Variants in NAA35 observed in about 807,000 individuals in gnomAD.
NAA35 encodes the protein MAK10 homolog, amino-acid N-acetyltransferase subunit.
NAA35 carries 18 observed loss-of-function variants against 101.7 expected under a neutral mutation model. That is an observed-to-expected ratio of 0.18 (90% CI 0.12 to 0.26). The LOEUF is 0.26. Ranked by LOEUF, NAA35 falls within the 10% of genes least tolerant of loss-of-function variation. The pLI, the probability that NAA35 is intolerant of heterozygous loss-of-function variation, is 1.00. For synonymous variants in NAA35, 267 were observed against 273.1 expected (o/e 0.98, Z 0.22); for missense variants, 601 against 886.8 (o/e 0.68, Z 4.09).
intron 3 of NAA35, among the ~76,000 whole-genome samples, chr9:85,958,237 G>A (rs746123788): frequency 1.3e-5 from 2 of 152,026 alleles, no homozygotes; most frequent in African/African-American, 4.8e-5. Context: ...CACCACACCC[G>A]GCAGAAATCT....
chr9:85,988,866 G>A (rs1234640029), intron 11 of NAA35, among the ~76,000 whole-genome samples: 2 of 151,962 alleles, frequency 1.3e-5, no homozygotes, highest in Admixed American at 6.6e-5. Flanking sequence ...GAGCAAAGGA[G>A]ATGTGAAGTA....
chr9:85,984,258 G>A (rs1161775301), intron 11 of NAA35, among the ~76,000 whole-genome samples: 1 of 152,178 alleles, frequency 6.6e-6, no homozygotes, highest in Admixed American at 6.5e-5. Context: ...GAGCCCAGGA[G>A]GTTGAGGCTA....
At chr9:85,993,334 G>A (rs965164282) in intron 11 of NAA35, among the ~76,000 whole-genome samples, 1 of 152,116 alleles carries the variant, frequency 6.6e-6, no homozygotes, top group African/African-American at 2.4e-5. Flanking sequence ...CACCACACCT[G>A]GCTAATTTTT....
chr9:85,958,006 A>G (rs181427752), intron 3 of NAA35, among the ~76,000 whole-genome samples: 189 of 151,772 alleles, frequency 1.2e-3, no homozygotes, highest in African/African-American at 3.9e-3. Flanking sequence ...CAACAGTGCA[A>G]TCTCAGCTCA....
intron 12 of NAA35, among the ~76,000 whole-genome samples, chr9:85,999,520 T>C (rs924096118): frequency 2.0e-5 from 3 of 152,254 alleles, no homozygotes; most frequent in African/African-American, 7.2e-5. Context: ...GCTCCTGATA[T>C]TGAAGGCTAA....
At chr9:85,989,278 CT>C (rs200843691) in intron 11 of NAA35, among the ~76,000 whole-genome samples, 2,133 of 152,044 alleles carry the variant, frequency 0.014, 48 homozygotes, top group African/African-American at 0.047. Context: ...TGAGACCAGC[CT>C]GACCAACATG....
intron 12 of NAA35, among the ~76,000 whole-genome samples, chr9:85,999,859 A>G (rs913972136): frequency 2.0e-5 from 3 of 152,250 alleles, no homozygotes; most frequent in Non-Finnish European, 2.9e-5. Context: ...AGAACTGTGA[A>G]GATGATAAAT....
chr9:85,963,737 A>G (rs1259189448), intron 6 of NAA35, among the ~76,000 whole-genome samples: 5 of 152,174 alleles, frequency 3.3e-5, no homozygotes, highest in Admixed American at 1.3e-4. Context: ...AAATACTAGT[A>G]TTTTCAAAGT....
At position 85,976,857 on chromosome 9, in the gene NAA35, A is replaced by G. The variant is rs549511523; in HGVS notation, c.678+122A>G. 55 of 643,264 alleles carry G rather than the reference A, an allele frequency of 8.6e-5. No homozygotes were observed. In the South Asian group the frequency reaches 1.1e-3, roughly 13 times the overall value. The allele number at this position is 643,264 out of a possible 1,614,324, so 39.8% of individuals were successfully genotyped here. ...TAAGGTATTTCTTTAAAAATTGGAC[A>G]TTGCAAGGGATTTTATTTCCCTTGT... On this transcript the variant is annotated intron_variant, in intron 9 of 22. Coordinates refer to ENST00000361671, the MANE Select transcript of NAA35 (RefSeq NM_024635.4).
intron 11 of NAA35, among the ~76,000 whole-genome samples, chr9:85,988,207 A>T (rs1382531557): frequency 6.6e-6 from 1 of 152,230 alleles, no homozygotes; most frequent in Non-Finnish European, 1.5e-5. Flanking sequence ...TCCTTCAGTG[A>T]TATCATAATC....
intron 3 of NAA35, 29 bp from the exon 4 acceptor site, chr9:85,958,443 A>G (rs1487381130): frequency 6.8e-6 from 10 of 1,462,454 alleles, no homozygotes; most frequent in South Asian, 2.4e-5. Flanking sequence ...CTCAAAAACA[A>G]TTTGTTGGCT....
Position 86,022,043 on chromosome 9 carries a change from C to T in NAA35, c.*83C>T. ...GAGGGCACATCACCAGGCTCCACAT[C>T]ACGGGAAGTGAGATGGATTTCTTGG... On this transcript the variant is annotated 3_prime_UTR_variant, in exon 23 of 23. Coordinates refer to ENST00000361671, the MANE Select transcript of NAA35 (RefSeq NM_024635.4). 1 of 1,028,486 alleles carries T rather than the reference C, an allele frequency of 9.7e-7. No individual in the cohort carries two copies. The highest frequency in any genetic ancestry group is 1.5e-6 in the Non-Finnish European group (1 of 679,846). 63.7% of individuals were successfully genotyped at this position (1,028,486 alleles called of 1,614,324 possible). A position where few individuals can be genotyped will look rare whatever the true frequency, so the allele number is the denominator to read the frequency against.
At chr9:86,015,903 T>C in intron 17 of NAA35, 1 of 301,650 alleles carries the variant, frequency 3.3e-6, no homozygotes, top group South Asian at 1.3e-4. Flanking sequence ...CAAAATTCAG[T>C]TATATGGTAT....
intron 4 of NAA35, among the ~76,000 whole-genome samples, chr9:85,959,320 G>T (rs2117861216): frequency 6.7e-6 from 1 of 150,112 alleles, no homozygotes; most frequent in African/African-American, 2.5e-5. Context: ...AGCTTGCATT[G>T]AGCCGAGATC....
intron 11 of NAA35, among the ~76,000 whole-genome samples, chr9:85,979,422 G>T (rs1295322410): frequency 6.6e-6 from 1 of 152,210 alleles, no homozygotes; most frequent in Non-Finnish European, 1.5e-5. Context: ...AGAAGAACAG[G>T]CTATGACCTA....
intron 5 of NAA35, 104 bp from the exon 6 acceptor site, chr9:85,961,909 T>C: frequency 1.3e-6 from 1 of 746,030 alleles, no homozygotes; most frequent in Non-Finnish European, 2.0e-6. Flanking sequence ...TTGTGATTAA[T>C]CTTATTTGGG....
intron 11 of NAA35, chr9:85,987,084 A>T (rs1485391857): frequency 6.6e-6 from 1 of 152,366 alleles, no homozygotes; most frequent in Non-Finnish European, 1.5e-5. Context: ...TGCAAGTGGG[A>T]CAAGCTTGAG....
chr9:86,015,453 C>CA (rs1832162996), intron 17 of NAA35, among the ~76,000 whole-genome samples: 1 of 152,034 alleles, frequency 6.6e-6, no homozygotes, highest in African/African-American at 2.4e-5. Flanking sequence ...AAATCATCAG[C>CA]AAAAACAGTG....
chr9:86,013,400 C>G (rs1344385811), intron 16 of NAA35, among the ~76,000 whole-genome samples: 1 of 152,012 alleles, frequency 6.6e-6, no homozygotes, highest in Non-Finnish European at 1.5e-5. Context: ...GTTTTACAAG[C>G]TTACATTATA....
Sources: allele counts gnomAD v4.1 joint callset (sites outside exome capture counted in the v4.1 genomes callset), GRCh38; gene constraint gnomAD v4.1.1; transcripts MANE v1.5; gene names NCBI Gene and HGNC (gene_info 2026-07-23, HGNC 2026-07-21).